ME3: variants seen among roughly 807,000 people sequenced by gnomAD.
The protein encoded by ME3 is NADP-dependent malic enzyme, mitochondrial.
Under a neutral mutation model 68.9 loss-of-function variants are expected in ME3, and 48 were observed. That is an observed-to-expected ratio of 0.70 (90% CI 0.55 to 0.89). ME3 has a LOEUF of 0.89. ME3 is among the 40% of genes least tolerant of loss of function. ME3 has a pLI of 0.00. For missense variants in ME3, 675 were observed against 797.4 expected (o/e 0.85, Z 1.85); for synonymous variants, 320 against 318.8 (o/e 1.00, Z -0.04).
intron 13 of ME3, among the ~76,000 whole-genome samples, chr11:86,445,826 G>T (rs140700291): frequency 9.2e-5 from 14 of 152,150 alleles, no homozygotes; most frequent in African/African-American, 3.1e-4. Context: ...TCAAGATCTG[G>T]GTCCTCCAAG....
At chr11:86,489,389 C>T (rs1020499758) in intron 6 of ME3, among the ~76,000 whole-genome samples, 1 of 152,132 alleles carries the variant, frequency 6.6e-6, no homozygotes, top group African/African-American at 2.4e-5. Context: ...TATGAAAGAG[C>T]TTGGTGAATT....
chr11:86,493,197 T>G (rs1334292696), intron 6 of ME3, among the ~76,000 whole-genome samples: 2 of 152,132 alleles, frequency 1.3e-5, no homozygotes, highest in Non-Finnish European at 2.9e-5. Context: ...GGCGATCCAA[T>G]AACATCCAAA....
chr11:86,640,720 A>C (rs1401935387), intron 2 of ME3, among the ~76,000 whole-genome samples: 1 of 152,128 alleles, frequency 6.6e-6, no homozygotes, highest in East Asian at 1.9e-4. Context: ...CTCTCTTCCT[A>C]TCTGCCACGT....
chr11:86,593,188 TC>T (rs1959155697), intron 2 of ME3, among the ~76,000 whole-genome samples: 5 of 148,238 alleles, frequency 3.4e-5, no homozygotes, highest in African/African-American at 7.4e-5. Context: ...CATGATTTCC[TC>T]CACCCTCCTT....
intron 5 of ME3, 53 bp from the exon 6 acceptor site, chr11:86,498,177 T>C (rs2139018675): frequency 6.4e-7 from 1 of 1,555,660 alleles, no homozygotes; most frequent in South Asian, 1.2e-5. Context: ...TGTGACAGGG[T>C]GCTCATTTTA....
intron 11 of ME3, among the ~76,000 whole-genome samples, 160 bp downstream of exon 11, chr11:86,447,990 T>G (rs185730376): frequency 6.6e-6 from 1 of 152,206 alleles, no homozygotes; most frequent in African/African-American, 2.4e-5. Context: ...TTCTATACAA[T>G]AGTCACTCAA....
chr11:86,483,584 G>T (rs946345428), intron 7 of ME3, among the ~76,000 whole-genome samples: 2 of 151,186 alleles, frequency 1.3e-5, no homozygotes, highest in East Asian at 1.9e-4. Context: ...AAAATGGAGA[G>T]ACTAAAAAAA....
intron 8 of ME3, among the ~76,000 whole-genome samples, chr11:86,462,093 CAT>C (rs368382539): frequency 6.6e-6 from 1 of 152,288 alleles, no homozygotes; most frequent in East Asian, 1.9e-4. Context: ...GTGGGGTACA[CAT>C]GTGAATATGT....
intron 4 of ME3, among the ~76,000 whole-genome samples, chr11:86,511,864 A>G (rs1278190106): frequency 6.6e-6 from 1 of 152,034 alleles, no homozygotes; most frequent in Non-Finnish European, 1.5e-5. Flanking sequence ...GCATTCTGGC[A>G]ACCAGCTGAC....
chr11:86,556,862 G>A (rs1956957606), intron 3 of ME3, among the ~76,000 whole-genome samples, 160 bp from the exon 4 acceptor site: 1 of 152,218 alleles, frequency 6.6e-6, no homozygotes, highest in Admixed American at 6.5e-5. Context: ...GCTATGAAAT[G>A]TGAAGATGAC....
chr11:86,508,157 G>T (rs116374031), intron 5 of ME3, among the ~76,000 whole-genome samples: 1,819 of 151,882 alleles, frequency 0.012, 48 homozygotes, highest in African/African-American at 0.042. Flanking sequence ...GTACTCCCAG[G>T]GTACACATAC....
intron 8 of ME3, among the ~76,000 whole-genome samples, chr11:86,456,668 G>GGTCT (rs144166644): frequency 0.011 from 1,689 of 152,240 alleles, 32 homozygotes; most frequent in African/African-American, 0.039. Context: ...CAGAGGCAGA[G>GGTCT]GGAAGTGAAC....
chr11:86,470,538 TAC>T (rs1950727857), intron 7 of ME3, among the ~76,000 whole-genome samples: 1 of 152,242 alleles, frequency 6.6e-6, no homozygotes, highest in Non-Finnish European at 1.5e-5. Flanking sequence ...CTCTGTGTGT[TAC>T]ACATAGCATA....
intron 4 of ME3, among the ~76,000 whole-genome samples, chr11:86,551,825 A>G (rs754487165): frequency 6.6e-6 from 1 of 152,220 alleles, no homozygotes; most frequent in Non-Finnish European, 1.5e-5. Flanking sequence ...GTCCAAATAC[A>G]TCTTCAGGTA....
chr11:86,660,419 T>G (rs1488416224), intron 2 of ME3, among the ~76,000 whole-genome samples: 1 of 152,258 alleles, frequency 6.6e-6, no homozygotes, highest in African/African-American at 2.4e-5. Flanking sequence ...ACTTACCATC[T>G]GCTTTACATA....
intron 2 of ME3, among the ~76,000 whole-genome samples, chr11:86,602,976 A>G (rs1960963497): frequency 6.6e-6 from 1 of 152,252 alleles, no homozygotes; most frequent in South Asian, 2.1e-4. Flanking sequence ...CTTAAACGTT[A>G]GACCTAAAAC....
At chr11:86,547,329 A>G (rs569711486) in intron 4 of ME3, among the ~76,000 whole-genome samples, 21 of 152,088 alleles carry the variant, frequency 1.4e-4, no homozygotes, top group African/African-American at 5.1e-4. Context: ...TGTTATTTGC[A>G]GGGACATGGA....
intron 2 of ME3, among the ~76,000 whole-genome samples, chr11:86,644,822 C>T (rs1440725938): frequency 6.6e-6 from 1 of 152,228 alleles, no homozygotes; most frequent in Non-Finnish European, 1.5e-5. Context: ...GAGACCAACA[C>T]AGAAGGCGGG....
intron 2 of ME3, among the ~76,000 whole-genome samples, chr11:86,560,271 C>G (rs1032382233): frequency 1.3e-5 from 2 of 152,034 alleles, no homozygotes; most frequent in African/African-American, 4.8e-5. Context: ...CTCATGAGAT[C>G]TGGTTGTTTG....
Sources: allele counts gnomAD v4.1 joint callset (sites outside exome capture counted in the v4.1 genomes callset), GRCh38; gene constraint gnomAD v4.1.1; transcripts MANE v1.5; gene names NCBI Gene and HGNC (gene_info 2026-07-23, HGNC 2026-07-21).